The following IGDCC3 variants were observed in gnomAD, a reference collection of about 807,000 sequenced individuals.
The protein encoded by IGDCC3 is immunoglobulin superfamily DCC subclass member 3, also known as putative neuronal cell adhesion molecule.
In IGDCC3, 47 loss-of-function variants were observed where a neutral mutation model predicts 72.0. The observed-to-expected ratio is 0.65, with a 90% CI of 0.52 to 0.83. The LOEUF is 0.83. Ranked by LOEUF, IGDCC3 falls within the 40% of genes least tolerant of loss-of-function variation. IGDCC3 has a pLI of 0.00. For missense variants in IGDCC3, 1,038 were observed against 1,091.3 expected, an observed-to-expected ratio of 0.95 and a Z score of 0.69; for synonymous variants, 477 against 472.8, an observed-to-expected ratio of 1.01 and a Z score of -0.11.
chr15:65,349,452 T>A (rs2091154615), intron 2 of IGDCC3, among the ~76,000 whole-genome samples: 1 of 152,244 alleles, frequency 6.6e-6, no homozygotes, highest in African/African-American at 2.4e-5. Flanking sequence ...AATCTGTATC[T>A]CCTTTGTAAA....
intron 2 of IGDCC3, among the ~76,000 whole-genome samples, chr15:65,361,561 C>G (rs1315813245): frequency 6.6e-6 from 1 of 152,080 alleles, no homozygotes; most frequent in Admixed American, 6.6e-5. Context: ...TCCAGGCTCC[C>G]AGTTGATAGG....
chr15:65,377,755 G>GGCGGCGCGGAGAC lies in IGDCC3; in HGVS notation c.21_33dup (p.Pro12ValfsTer34). On this transcript the variant is annotated frameshift_variant, in exon 1 of 14. Transcript: ENST00000327987. LOFTEE classifies it high-confidence loss of function. The surrounding 1 kb of genome is among the most constrained non-coding windows in gnomAD (Gnocchi z 4.9). ...AGCCGGGGCCAGAGCGGGGCGGGCG[G>GGCGGCGCGGAGAC]GCGGCGCGGAGACGCGGCGCGCTGC... 1.5e-6 allele frequency: 2 copies of GGCGGCGCGGAGAC among 1,312,142 alleles called. No homozygotes were observed. Among genetic ancestry groups the GGCGGCGCGGAGAC allele is most frequent in the Non-Finnish European group, 1.9e-6 (2 of 1,036,646 alleles). 81.3% of individuals were successfully genotyped at this position (1,312,142 alleles called of 1,614,324 possible).
chr15:65,334,605 G>A, intron 5 of IGDCC3, 123 bp downstream of exon 5: 1 of 914,300 alleles, frequency 1.1e-6, no homozygotes, highest in Non-Finnish European at 1.6e-6. Flanking sequence ...GGGATAGAAT[G>A]GACCCCCACA....
intron 1 of IGDCC3, among the ~76,000 whole-genome samples, chr15:65,376,857 T>C (rs1368431746): frequency 1.3e-5 from 2 of 152,024 alleles, no homozygotes; most frequent in African/African-American, 4.8e-5. Flanking sequence ...GTGGGAGGGT[T>C]AAGGGACTAG....
chr15:65,331,300 CG>C, intron 8 of IGDCC3, 86 bp from the exon 9 acceptor site: 1 of 1,573,296 alleles, frequency 6.4e-7, no homozygotes. Context: ...CCAGGGTGCC[CG>C]GGGGGACAGC....
rs1384540966 is a variant in IGDCC3, at chr15:65,330,754, A to G, written c.1562-13T>C. On this transcript the variant is annotated splice_polypyrimidine_tract_variant and intron_variant, in intron 9 of 13. Coordinates refer to ENST00000327987, the MANE Select transcript of IGDCC3 (RefSeq NM_004884.4). ...GGTGGGGCAGGGGCTGCAGGTAGAGAAGGAGGCCACGATGTGAGGACCCAG... is the reference window on the plus strand; with the variant it reads ...GGTGGGGCAGGGGCTGCAGGTAGAGGAGGAGGCCACGATGTGAGGACCCAG... 1.9e-6 allele frequency: 3 copies of G among 1,586,550 alleles called. No homozygotes were observed. The highest frequency in any genetic ancestry group is 2.3e-5 in the East Asian group (1 of 43,934).
chr15:65,358,951 G>A (rs182270183), intron 2 of IGDCC3, among the ~76,000 whole-genome samples: 1 of 152,216 alleles, frequency 6.6e-6, no homozygotes, highest in Non-Finnish European at 1.5e-5. Context: ...TCAGCCTCCC[G>A]AGTAGCTTGT....
intron 2 of IGDCC3, among the ~76,000 whole-genome samples, chr15:65,344,600 G>A (rs2091110772): frequency 6.6e-6 from 1 of 152,230 alleles, no homozygotes; most frequent in African/African-American, 2.4e-5. Context: ...CCCCTGGCTG[G>A]TGGACTGGGT....
In IGDCC3 at chr15:65,377,530, C is replaced by T. The variant is rs2091366262; in HGVS notation, c.103+156G>A. Among the ~76,000 whole-genome samples, 2 of 152,182 alleles carry T rather than the reference C, an allele frequency of 1.3e-5. No homozygotes were observed. Among genetic ancestry groups the T allele is most frequent in the South Asian group, 2.1e-4 (1 of 4,838 alleles). On this transcript the variant is annotated intron_variant, in intron 1 of 13. Coordinates refer to ENST00000327987, the MANE Select transcript of IGDCC3 (RefSeq NM_004884.4). The surrounding 1 kb of genome is among the most constrained non-coding windows in gnomAD (Gnocchi z 4.9). The stretch of plus-strand genomic sequence containing the variant: ...CCCCCAGCAGTCCGGCCTTGGTACC[C>T]TCTCCCCGTCCGGATCCGCAGGGTC...
intron 2 of IGDCC3, among the ~76,000 whole-genome samples, chr15:65,359,843 A>G (rs1173671943): frequency 6.6e-6 from 1 of 152,164 alleles, no homozygotes; most frequent in Non-Finnish European, 1.5e-5. Flanking sequence ...AGAAAGGCTT[A>G]GGTAAAATGC....
chr15:65,361,568 T>C (rs1008702074), intron 2 of IGDCC3, among the ~76,000 whole-genome samples: 1 of 151,904 alleles, frequency 6.6e-6, no homozygotes, highest in African/African-American at 2.4e-5. Context: ...TCCCAGTTGA[T>C]AGGGGCGAGT....
intron 2 of IGDCC3, among the ~76,000 whole-genome samples, chr15:65,374,771 T>G: frequency 6.6e-6 from 1 of 152,148 alleles, no homozygotes; most frequent in South Asian, 2.1e-4. Context: ...AGAATCAAAC[T>G]CAGTGCACCG....
chr15:65,327,335 G>A lies in IGDCC3; in HGVS notation c.*1574C>T, dbSNP rs1319671624. ...CTGGGCATCCACACATCATTTGGGA[G>A]AAGGGAAGGGACTACCCTTCCCCAA... On this transcript the variant is annotated 3_prime_UTR_variant, in exon 14 of 14. Coordinates refer to ENST00000327987, the MANE Select transcript of IGDCC3 (RefSeq NM_004884.4). 2 of 152,336 alleles carry A rather than the reference G, an allele frequency of 1.3e-5. No homozygotes were observed. Among genetic ancestry groups the A allele is most frequent in the African/African-American group, 4.8e-5 (2 of 41,442 alleles). The allele number at this position is 152,336 out of a possible 1,614,324, so 9.4% of individuals were successfully genotyped here.
chr15:65,334,762 G>A lies in IGDCC3; in HGVS notation c.789C>T (p.Gly263=), dbSNP rs763912652. 1.3e-6 allele frequency: 2 copies of A among 1,599,796 alleles called. No homozygotes were observed. The highest frequency in any genetic ancestry group is 1.7e-5 in the Admixed American group (1 of 58,190). Residue 263 remains glycine, a synonymous_variant, in exon 5 of 14, where the codon GGC becomes GGT. Coordinates refer to ENST00000327987, the MANE Select transcript of IGDCC3 (RefSeq NM_004884.4). ...QTAVLECVAT[G]NPRPIVSWSR... is the part of the protein sequence containing the mutation. ...TCCAGGACACAATGGGGCGCGGGTT[G>A]CCCGTGGCGACACACTCAAGCACCG...
At chr15:65,331,754 G>C (rs2090980083) in intron 7 of IGDCC3, 95 bp from the exon 8 acceptor site, 1 of 1,458,368 alleles carries the variant, frequency 6.9e-7, no homozygotes, top group Non-Finnish European at 9.1e-7. Flanking sequence ...CTTTCCAGGA[G>C]ACAAACGACT....
intron 2 of IGDCC3, among the ~76,000 whole-genome samples, chr15:65,359,362 G>T (rs2091246330): frequency 6.6e-6 from 1 of 152,156 alleles, no homozygotes. Flanking sequence ...GGGATGCACA[G>T]GACACTGCAG....
chr15:65,333,110 G>T, intron 6 of IGDCC3, 147 bp downstream of exon 6: 2 of 703,868 alleles, frequency 2.8e-6, no homozygotes, highest in Non-Finnish European at 4.4e-6. Context: ...CACCGCCTTT[G>T]GCCTGGCCTG....
chr15:65,369,507 C>T (rs936284646), intron 2 of IGDCC3, among the ~76,000 whole-genome samples: 2 of 152,154 alleles, frequency 1.3e-5, no homozygotes, highest in Admixed American at 1.3e-4. Context: ...AGGCTGGGTA[C>T]AGGTGAGGCC....
Position 65,329,182 on chromosome 15 carries a change from T to C in IGDCC3, c.2206-34A>G. 1 of 1,579,996 alleles carries C rather than the reference T, an allele frequency of 6.3e-7. No individual in the cohort carries two copies. The highest frequency in any genetic ancestry group is 1.2e-5 in the South Asian group (1 of 86,024). On this transcript the variant is annotated intron_variant, in intron 13 of 13. Transcript: ENST00000327987. This position sits in a 1 kb window ranked among gnomAD's most constrained non-coding sequence, Gnocchi z 4.1. ...AGAGCCCGTCACACAGGCGTCAGCTTGAGGGCCAGGGCGCCAGGCTCCAAC... is the reference window on the plus strand; with the variant it reads ...AGAGCCCGTCACACAGGCGTCAGCTCGAGGGCCAGGGCGCCAGGCTCCAAC...
Sources: allele counts gnomAD v4.1 joint callset (sites outside exome capture counted in the v4.1 genomes callset), GRCh38; gene constraint gnomAD v4.1.1; non-coding constraint Gnocchi (gnomAD v3.1); transcripts MANE v1.5; gene names NCBI Gene and HGNC (gene_info 2026-07-23, HGNC 2026-07-21).